MARCHF8: variants seen among roughly 807,000 people sequenced by gnomAD.
MARCHF8 encodes E3 ubiquitin-protein ligase MARCHF8.
A neutral mutation model predicts 51.6 loss-of-function variants in MARCHF8; 40 were observed. The observed-to-expected ratio is 0.77, with a 90% CI of 0.60 to 1.01. MARCHF8 has a LOEUF of 1.01. Among genes scored for constraint, MARCHF8 ranks in the 50% least tolerant of loss-of-function variants. The pLI is 0.00. For missense variants in MARCHF8, 685 were observed against 708.6 expected, an observed-to-expected ratio of 0.97 and a Z score of 0.38; for synonymous variants, 263 against 280.3, an observed-to-expected ratio of 0.94 and a Z score of 0.62.
chr10:45,501,058 T>C (rs951349435), intron 2 of MARCHF8, among the ~76,000 whole-genome samples: 2 of 151,808 alleles, frequency 1.3e-5, no homozygotes, highest in African/African-American at 2.4e-5. Flanking sequence ...GTTCCTGGAA[T>C]GAAAAATTCA....
At chr10:45,458,595 G>C (rs762582206) in intron 7 of MARCHF8, 52 bp from the exon 8 acceptor site, 2 of 1,492,694 alleles carry the variant, frequency 1.3e-6, no homozygotes, top group Middle Eastern at 1.8e-4. Flanking sequence ...ATGAAGTAAA[G>C]AAAAACACAA....
intron 3 of MARCHF8, among the ~76,000 whole-genome samples, chr10:45,472,521 C>T (rs1392506340): frequency 1.3e-5 from 2 of 152,230 alleles, no homozygotes; most frequent in Non-Finnish European, 2.9e-5. Flanking sequence ...TCCATCTCTC[C>T]ATCTTTGCTA....
At chr10:45,462,534 C>A (rs1842821775) in intron 5 of MARCHF8, among the ~76,000 whole-genome samples, 1 of 152,118 alleles carries the variant, frequency 6.6e-6, no homozygotes, top group Admixed American at 6.5e-5. Flanking sequence ...TTTCTTTCTT[C>A]CAGTTTCTTT....
At position 45,461,354 on chromosome 10, in the gene MARCHF8, T is replaced by C. The variant is rs751755548; in HGVS notation, c.1146A>G (p.Thr382=). 1 of 1,606,648 alleles carries C rather than the reference T, an allele frequency of 6.2e-7. No homozygotes were observed. The highest frequency in any genetic ancestry group is 2.3e-5 in the East Asian group (1 of 43,908). ...ESPLITPCHC[T]GSLHFVHQAC... ...CCTGGTGCACGAAGTGGAGGCTTCC[T>C]GTGCAGTGGCAGGGGGTGATCAGGG... The change falls in exon 6 of 8, where the codon ACA becomes ACG. Residue 382 remains threonine (T), a synonymous_variant. Coordinates refer to ENST00000453424, the MANE Select transcript of MARCHF8 (RefSeq NM_001282866.2).
chr10:45,483,337 A>C (rs1407871312), intron 3 of MARCHF8, among the ~76,000 whole-genome samples: 1 of 152,218 alleles, frequency 6.6e-6, no homozygotes, highest in East Asian at 1.9e-4. Flanking sequence ...ACATGACTAG[A>C]CATTTCTCAA....
chr10:45,477,492 TAAGA>T (rs1403154031), intron 3 of MARCHF8, among the ~76,000 whole-genome samples: 1 of 151,780 alleles, frequency 6.6e-6, no homozygotes, highest in Non-Finnish European at 1.5e-5. Context: ...TTATAAACAA[TAAGA>T]AAGAAGGAAA....
chr10:45,489,526 T>C, intron 2 of MARCHF8, 109 bp from the exon 3 acceptor site: 2 of 1,032,286 alleles, frequency 1.9e-6, no homozygotes, highest in Non-Finnish European at 2.9e-6. Flanking sequence ...TGAACTAGAA[T>C]TTGCAAAGCA....
intron 1 of MARCHF8, among the ~76,000 whole-genome samples, chr10:45,582,552 C>G (rs534070708): frequency 7.2e-5 from 11 of 152,124 alleles, no homozygotes; most frequent in Admixed American, 3.3e-4. Context: ...CCAGTTCAAA[C>G]CCAATCCCAT....
Position 45,464,332 on chromosome 10 carries a change from A to T in MARCHF8, c.154-5T>A. 6.2e-7 allele frequency: 1 copy of T among 1,613,882 alleles called. No individual in the cohort carries two copies. The highest frequency in any genetic ancestry group is 8.5e-7 in the Non-Finnish European group (1 of 1,179,782). ...TGCTGACGGAGGACTCCCAGCCTGC[A>T]ATGACAGACCTGTGGTCAGTGTTCA... On this transcript the variant is annotated splice_region_variant and splice_polypyrimidine_tract_variant and intron_variant, in intron 3 of 7. Transcript: ENST00000453424.
chr10:45,500,021 G>C (rs981633227), intron 2 of MARCHF8, among the ~76,000 whole-genome samples: 2 of 152,064 alleles, frequency 1.3e-5, no homozygotes, highest in Admixed American at 1.3e-4. Context: ...AGATTGATTT[G>C]GGCAGTACTG....
intron 3 of MARCHF8, among the ~76,000 whole-genome samples, chr10:45,487,811 T>G (rs796997512): frequency 6.6e-6 from 1 of 151,814 alleles, no homozygotes; most frequent in South Asian, 2.1e-4. Context: ...ATATATGTAG[T>G]CAGCACATTA....
rs1171237398 is a variant in MARCHF8, at chr10:45,493,775, T to TTTTG, written c.103-4362_103-4359dup. ...CAGAAAAATCAATAAAGTCTATGAG[T>TTTTG]TTTGTTTGTTTGTTTTTAAGACAGG... On this transcript the variant is annotated intron_variant, in intron 2 of 7. Transcript: ENST00000453424. 5.3e-5 allele frequency among the ~76,000 whole-genome samples: 8 copies of TTTTG among 152,046 alleles called. No individual in the cohort carries two copies. In the South Asian group the frequency reaches 8.3e-4, roughly 16 times the overall value.
chr10:45,474,573 T>G (rs548865324), intron 3 of MARCHF8, among the ~76,000 whole-genome samples: 2 of 152,286 alleles, frequency 1.3e-5, no homozygotes, highest in East Asian at 3.9e-4. Context: ...AATAGTTATA[T>G]TTTCACATTA....
At chr10:45,565,366 G>T (rs1221057768) in intron 1 of MARCHF8, among the ~76,000 whole-genome samples, 1 of 152,070 alleles carries the variant, frequency 6.6e-6, no homozygotes, top group Non-Finnish European at 1.5e-5. Flanking sequence ...AGGAGGCAGA[G>T]GATACAGTGT....
chr10:45,533,079 A>C, intron 2 of MARCHF8, 31 bp downstream of exon 2: 1 of 1,546,492 alleles, frequency 6.5e-7, no homozygotes, highest in Non-Finnish European at 8.7e-7. Context: ...TAATAAAAAT[A>C]ATGAAACTAA....
intron 2 of MARCHF8, among the ~76,000 whole-genome samples, chr10:45,490,245 C>T (rs2043057125): frequency 6.6e-6 from 1 of 152,164 alleles, no homozygotes; most frequent in African/African-American, 2.4e-5. Context: ...GTCCTAAACT[C>T]CTTCTTCCTC....
At chr10:45,520,497 T>C (rs1053931059) in intron 2 of MARCHF8, among the ~76,000 whole-genome samples, 17 of 152,318 alleles carry the variant, frequency 1.1e-4, no homozygotes, top group South Asian at 1.0e-3. Flanking sequence ...GGATAAACTG[T>C]ACAAAGGTAT....
At chr10:45,506,038 T>C (rs1228872896) in intron 2 of MARCHF8, among the ~76,000 whole-genome samples, 1 of 145,718 alleles carries the variant, frequency 6.9e-6, no homozygotes. Context: ...TACCTCAGAA[T>C]GGGATTAACA....
chr10:45,488,870 T>TGAA (rs2043031881), intron 3 of MARCHF8, among the ~76,000 whole-genome samples: 1 of 152,150 alleles, frequency 6.6e-6, no homozygotes, highest in African/African-American at 2.4e-5. Flanking sequence ...ATTCCCGCCT[T>TGAA]CACCCCTTGT....
Sources: allele counts gnomAD v4.1 joint callset (sites outside exome capture counted in the v4.1 genomes callset), GRCh38; gene constraint gnomAD v4.1.1; transcripts MANE v1.5; gene names NCBI Gene and HGNC (gene_info 2026-07-23, HGNC 2026-07-21).